The following ADGRL2 variants were observed in gnomAD, a reference collection of about 807,000 sequenced individuals.
ADGRL2 encodes calcium-independent alpha-latrotoxin receptor 2.
ADGRL2 carries 44 observed loss-of-function variants against 157.4 expected under a neutral mutation model. That is an observed-to-expected ratio of 0.28 (90% CI 0.22 to 0.36). ADGRL2 has a LOEUF of 0.36. ADGRL2 is among the 10% of genes least tolerant of loss of function. ADGRL2 has a pLI of 1.00. For missense variants in ADGRL2, 1,510 were observed against 1,768.9 expected (o/e 0.85, Z 2.63); for synonymous variants, 585 against 624.7 (o/e 0.94, Z 0.95).
chr1:81,525,439 T>G (rs2079431456), intron 2 of ADGRL2, among the ~76,000 whole-genome samples: 4 of 152,074 alleles, frequency 2.6e-5, no homozygotes, highest in African/African-American at 9.7e-5. Context: ...TGCCTCAGCC[T>G]CCCGAACAGC....
chr1:81,633,577 CA>C (rs2082054922), intron 3 of ADGRL2, among the ~76,000 whole-genome samples: 1 of 111,068 alleles, frequency 9.0e-6, no homozygotes, highest in Admixed American at 1.3e-4. Context: ...GCCTGGGTAA[CA>C]GAGCAAGACT....
At chr1:81,452,405 T>C (rs1397147391) in intron 2 of ADGRL2, among the ~76,000 whole-genome samples, 3 of 152,158 alleles carry the variant, frequency 2.0e-5, no homozygotes, top group Non-Finnish European at 4.4e-5. Context: ...TACACGATTT[T>C]ACTGAACACC....
At chr1:81,502,087 C>T (rs4083533) in intron 2 of ADGRL2, 300,157 of 1,369,354 alleles carry the variant, frequency 0.22, 62,960 homozygotes, top group African/African-American at 0.65. Flanking sequence ...AAGATGAGGA[C>T]GGGGATGATG....
At chr1:81,678,701 T>C (rs2083046336) in intron 3 of ADGRL2, among the ~76,000 whole-genome samples, 1 of 152,230 alleles carries the variant, frequency 6.6e-6, no homozygotes, top group East Asian at 1.9e-4. Flanking sequence ...TTAAGCATGC[T>C]CTGTATCTTG....
intron 2 of ADGRL2, among the ~76,000 whole-genome samples, chr1:81,867,132 G>A (rs1295410453): frequency 6.6e-6 from 1 of 152,134 alleles, no homozygotes; most frequent in Non-Finnish European, 1.5e-5. Flanking sequence ...AAACTGGGTA[G>A]TATAAAAAAT....
At chr1:81,976,012 G>A (rs1162888283) in intron 17 of ADGRL2, among the ~76,000 whole-genome samples, 11 of 151,642 alleles carry the variant, frequency 7.3e-5, no homozygotes, top group African/African-American at 2.4e-4. Flanking sequence ...TTTTAACATT[G>A]GAGAAAATAA....
chr1:81,519,307 T>C (rs1406066741), intron 2 of ADGRL2, among the ~76,000 whole-genome samples: 1 of 152,206 alleles, frequency 6.6e-6, no homozygotes, highest in Non-Finnish European at 1.5e-5. Flanking sequence ...TCCAGTATAC[T>C]TGCCTGGGTA....
chr1:81,421,285 A>G (rs1388203892), intron 1 of ADGRL2, among the ~76,000 whole-genome samples: 2 of 152,202 alleles, frequency 1.3e-5, no homozygotes, highest in East Asian at 1.9e-4. Flanking sequence ...ATTGATCCTC[A>G]TCTTACTTAT....
At chr1:81,364,712 T>G (rs1243407330) in intron 1 of ADGRL2, among the ~76,000 whole-genome samples, 3 of 151,966 alleles carry the variant, frequency 2.0e-5, no homozygotes, top group African/African-American at 7.3e-5. Context: ...TCTTTTTTTT[T>G]TTTTCGAGAC....
rs184165337 is a variant in ADGRL2 at position 81,856,619 on chromosome 1, T to C, written c.73+19562T>C. 5.1e-3 allele frequency among the ~76,000 whole-genome samples: 774 copies of C among 152,202 alleles called. 9 individuals carry two copies. The highest frequency in any genetic ancestry group is 0.017 in the African/African-American group (715 of 41,534). ...ATTTATTAAATATATCTAGGCCTGG[T>C]GAGTGATGAATGTCAGGAGTCAAGG... On this transcript the variant is annotated intron_variant, in intron 2 of 23. Transcript: ENST00000686636.
intron 1 of ADGRL2, among the ~76,000 whole-genome samples, chr1:81,818,726 A>G (rs143717051): frequency 6.6e-6 from 1 of 152,178 alleles, no homozygotes; most frequent in African/African-American, 2.4e-5. Context: ...TATTTGCACA[A>G]ATAATTCTTA....
intron 11 of ADGRL2, among the ~76,000 whole-genome samples, chr1:81,964,777 T>G (rs1315127420): frequency 6.6e-6 from 1 of 152,026 alleles, no homozygotes; most frequent in African/African-American, 2.4e-5. Flanking sequence ...AAAAAAAGTG[T>G]GGACTGTATT....
intron 3 of ADGRL2, among the ~76,000 whole-genome samples, chr1:81,660,883 A>G (rs1189400280): frequency 6.6e-6 from 1 of 152,230 alleles, no homozygotes; most frequent in Non-Finnish European, 1.5e-5. Context: ...TGCAAGGCAT[A>G]CAATCTAATA....
intron 2 of ADGRL2, among the ~76,000 whole-genome samples, chr1:81,881,890 A>C (rs1370135890): frequency 6.6e-6 from 1 of 152,148 alleles, no homozygotes; most frequent in African/African-American, 2.4e-5. Flanking sequence ...GTGCTCAGTG[A>C]ATACTAGATT....
chr1:81,700,394 G>A (rs976104798), intron 1 of ADGRL2, among the ~76,000 whole-genome samples: 2 of 152,096 alleles, frequency 1.3e-5, no homozygotes, highest in East Asian at 1.9e-4. Flanking sequence ...AGTCTTAATC[G>A]AATCTAGCAG....
At chr1:81,759,625 T>C (rs2085804216) in intron 1 of ADGRL2, among the ~76,000 whole-genome samples, 1 of 152,158 alleles carries the variant, frequency 6.6e-6, no homozygotes, top group Non-Finnish European at 1.5e-5. Flanking sequence ...ACAATGTAGA[T>C]GTTTAATATT....
rs564400213 is a variant in ADGRL2, at chr1:81,740,310, T to C, written c.-142-21501T>C. On this transcript the variant is annotated intron_variant, in intron 1 of 20. Transcript: ENST00000359929. ...CTATATGCATATCCACTTTAAAAGGTTTATTTGAACCAGGACAGAGCACAG... is the reference window on the plus strand; with the variant it reads ...CTATATGCATATCCACTTTAAAAGGCTTATTTGAACCAGGACAGAGCACAG... Among the ~76,000 whole-genome samples the C allele has an allele frequency of 5.9e-5, 9 of 152,316 alleles. No homozygotes were observed. In the South Asian group the frequency reaches 1.9e-3, roughly 32 times the overall value.
chr1:81,385,329 T>A (rs78626432), intron 1 of ADGRL2, among the ~76,000 whole-genome samples: 1,759 of 152,224 alleles, frequency 0.012, 35 homozygotes, highest in African/African-American at 0.04. Flanking sequence ...GAGCTGGCTG[T>A]ATTTTCCAAA....
intron 3 of ADGRL2, among the ~76,000 whole-genome samples, chr1:81,662,916 T>C (rs1178690101): frequency 6.6e-6 from 1 of 152,116 alleles, no homozygotes; most frequent in East Asian, 1.9e-4. Context: ...TCCGCACTGC[T>C]TAAAGGTTTT....
Sources: gnomAD v4.1 joint callset for allele counts (sites outside exome capture counted in the v4.1 genomes callset) on GRCh38, gnomAD v4.1.1 for gene constraint, MANE v1.5 for transcripts, NCBI Gene and HGNC (gene_info 2026-07-23, HGNC 2026-07-21) for gene names.